Variants in SPEN observed in about 807,000 individuals in gnomAD.
SPEN encodes spen family transcriptional repressor.
A neutral mutation model predicts 269.9 loss-of-function variants in SPEN; 18 were observed. The ratio of observed to expected loss-of-function variants is 0.07; its 90% CI spans 0.05 to 0.10. The LOEUF is 0.10. Ranked by LOEUF, SPEN falls within the 10% of genes least tolerant of loss-of-function variation. SPEN has a pLI of 1.00. For missense variants in SPEN, 3,822 were observed against 4,631.2 expected, an observed-to-expected ratio of 0.83 and a Z score of 5.07; for synonymous variants, 1,726 against 1,765.7, an observed-to-expected ratio of 0.98 and a Z score of 0.56.
At chr1:15,850,947 A>G (rs1163106882) in intron 1 of SPEN, among the ~76,000 whole-genome samples, 2 of 152,182 alleles carry the variant, frequency 1.3e-5, no homozygotes, top group Non-Finnish European at 2.9e-5. Context: ...AGAGGTGTAC[A>G]CTGGGAATAC....
At position 15,937,696 on chromosome 1, in the gene SPEN, T is replaced by A. The variant is rs766394456; in HGVS notation, c.10509+51T>A. 3 of 1,606,244 alleles carry A rather than the reference T, an allele frequency of 1.9e-6. No individual in the cohort carries two copies. In the South Asian group the frequency reaches 3.3e-5, roughly 18 times the overall value. On this transcript the variant is annotated intron_variant, in intron 12 of 14. Coordinates refer to ENST00000375759, the MANE Select transcript of SPEN (RefSeq NM_015001.3). This position sits in a 1 kb window ranked among gnomAD's most constrained non-coding sequence, Gnocchi z 5.7. ...CCTGGCCCCCAAGTTTTATGCCATGTCAAATGTCCTAAGATTCCCTAGTTA... is the reference window on the plus strand; with the variant it reads ...CCTGGCCCCCAAGTTTTATGCCATGACAAATGTCCTAAGATTCCCTAGTTA...
chr1:15,883,769 C>T (rs1190598186), intron 3 of SPEN, among the ~76,000 whole-genome samples: 1 of 147,796 alleles, frequency 6.8e-6, no homozygotes, highest in African/African-American at 2.5e-5. Context: ...ATCTATAACC[C>T]TATTACTTTT....
intron 3 of SPEN, among the ~76,000 whole-genome samples, chr1:15,891,339 C>T (rs951687975): frequency 1.3e-5 from 2 of 151,434 alleles, no homozygotes; most frequent in African/African-American, 2.4e-5. Flanking sequence ...GACATGCCAC[C>T]ACACTTAGCT....
intron 1 of SPEN, among the ~76,000 whole-genome samples, chr1:15,856,756 C>T (rs1482158374): frequency 1.3e-5 from 2 of 151,664 alleles, no homozygotes; most frequent in Non-Finnish European, 2.9e-5. Context: ...TTAATAGAGA[C>T]GGGGTTTCAC....
chr1:15,934,867 G>A lies in SPEN; in HGVS notation c.8627G>A (p.Gly2876Asp), dbSNP rs752171951. 1.2e-6 allele frequency: 2 copies of A among 1,614,124 alleles called. No homozygotes were observed. The highest frequency in any genetic ancestry group is 1.7e-6 in the Non-Finnish European group (2 of 1,180,024). The part of the protein sequence containing the change: ...PPSKGPQAPA[G>D]YANVATHSTL... ...TCCAAAGGCCCTCAAGCTCCTGCAGGCTATGCGAACGTGGCCACCCATTCC... is the reference window on the plus strand; with the variant it reads ...TCCAAAGGCCCTCAAGCTCCTGCAGACTATGCGAACGTGGCCACCCATTCC... The change falls in exon 11 of 15, where the codon GGC becomes GAC. Residue 2876 changes from glycine (G) to aspartate (D), a missense_variant. Transcript: ENST00000375759. This position sits in a 1 kb window ranked among gnomAD's most constrained non-coding sequence, Gnocchi z 9.2.
chr1:15,911,581 T>G (rs977826453), intron 5 of SPEN, among the ~76,000 whole-genome samples: 1 of 152,146 alleles, frequency 6.6e-6, no homozygotes, highest in African/African-American at 2.4e-5. Context: ...CCTTATTGAG[T>G]CCAGCCTTCC....
intron 1 of SPEN, among the ~76,000 whole-genome samples, chr1:15,872,209 T>G (rs2148710306): frequency 3.4e-5 from 4 of 119,114 alleles, no homozygotes; most frequent in Admixed American, 1.1e-4. Context: ...GGTGACAGAG[T>G]GAGACTCTGT....
Position 15,848,013 on chromosome 1 carries a change from G to C in SPEN, c.-55G>C, listed in dbSNP as rs878939822. Reference sequence around the variant, plus strand: ...CCCGCCTCCCGGCGCTGACGGTCTCGTACGAAGCCGGCGAGGGGGAGCCAG... The same window carrying C: ...CCCGCCTCCCGGCGCTGACGGTCTCCTACGAAGCCGGCGAGGGGGAGCCAG... On this transcript the variant is annotated 5_prime_UTR_variant, in exon 1 of 15. Transcript: ENST00000375759. The surrounding 1 kb of genome is among the most constrained non-coding windows in gnomAD (Gnocchi z 5.1). 4.7e-6 allele frequency: 6 copies of C among 1,272,590 alleles called. No homozygotes were observed. Among genetic ancestry groups the C allele is most frequent in the Middle Eastern group, 2.0e-4 (1 of 4,932 alleles). 78.8% of individuals were successfully genotyped at this position (1,272,590 alleles called of 1,614,324 possible). A position where few individuals can be genotyped will look rare whatever the true frequency, so the allele number is the denominator to read the frequency against.
chr1:15,939,482 A>G lies in SPEN; in HGVS notation c.*55A>G. 6.7e-7 allele frequency: 1 copy of G among 1,482,002 alleles called. No homozygotes were observed. The highest frequency in any genetic ancestry group is 2.6e-5 in the East Asian group (1 of 37,940). 91.8% of individuals were successfully genotyped at this position (1,482,002 alleles called of 1,614,324 possible). A position where few individuals can be genotyped will look rare whatever the true frequency, so the allele number is the denominator to read the frequency against. ...CTTCCCAGGGCTCTGCAGTAAAAAC[A>G]AAGGACAACCCAGCCAAGCAGAGGA... On this transcript the variant is annotated 3_prime_UTR_variant, in exon 15 of 15. Transcript: ENST00000375759. The surrounding 1 kb of genome is among the most constrained non-coding windows in gnomAD (Gnocchi z 4.1).
At chr1:15,878,233 T>C (rs1170882515) in intron 3 of SPEN, among the ~76,000 whole-genome samples, 2 of 152,234 alleles carry the variant, frequency 1.3e-5, no homozygotes, top group African/African-American at 4.8e-5. Context: ...TCAAATTCTT[T>C]GACCTGATTA....
At position 15,929,777 on chromosome 1, in the gene SPEN, A is replaced by G; in HGVS notation, c.3537A>G (p.Lys1179=). 1 of 1,614,222 alleles carries G rather than the reference A, an allele frequency of 6.2e-7. No individual in the cohort carries two copies. Among genetic ancestry groups the G allele is most frequent in the Non-Finnish European group, 8.5e-7 (1 of 1,180,048 alleles). Residue 1179 remains lysine (K), a synonymous_variant, in exon 11 of 15, where the codon AAA becomes AAG. Transcript: ENST00000375759. This position sits in a 1 kb window ranked among gnomAD's most constrained non-coding sequence, Gnocchi z 5.8. ...YRKQMEQSRR[K]QQMEMEIAKS... ...AACAAATGGAACAGAGTCGTAGGAAACAGCAGATGGAAATGGAAATAGCCA... is the reference window on the plus strand; with the variant it reads ...AACAAATGGAACAGAGTCGTAGGAAGCAGCAGATGGAAATGGAAATAGCCA...
intron 3 of SPEN, among the ~76,000 whole-genome samples, chr1:15,894,540 T>C (rs913335271): frequency 7.0e-6 from 1 of 142,436 alleles, no homozygotes. Context: ...ATGGTTGTTT[T>C]TTTTTTTTTT....
chr1:15,935,108 A>G lies in SPEN; in HGVS notation c.8868A>G (p.Thr2956=). The change falls in exon 11 of 15, where the codon ACA becomes ACG. Residue 2956 remains threonine (T), a synonymous_variant. Transcript: ENST00000375759. This position sits in a 1 kb window ranked among gnomAD's most constrained non-coding sequence, Gnocchi z 7.7. ...TCCTCACCCCAAGCATTGTCACCACAAACAAGAAGCTTGCTGACCCCGTCA... is the reference window on the plus strand; with the variant it reads ...TCCTCACCCCAAGCATTGTCACCACGAACAAGAAGCTTGCTGACCCCGTCA... ...QLVLTPSIVT[T]NKKLADPVTL... is the part of the protein sequence containing the mutation. The G allele has an allele frequency of 2.5e-6, 4 of 1,613,968 alleles. No homozygotes were observed. Among genetic ancestry groups the G allele is most frequent in the Non-Finnish European group, 3.4e-6 (4 of 1,179,968 alleles).
At position 15,848,046 on chromosome 1, in the gene SPEN, G is replaced by A. The variant is rs759727956; in HGVS notation, c.-22G>A. The A allele has an allele frequency of 1.6e-5, 22 of 1,399,382 alleles. No homozygotes were observed. In the Middle Eastern group the frequency reaches 5.6e-4, roughly 36 times the overall value. 86.7% of individuals were successfully genotyped at this position (1,399,382 alleles called of 1,614,324 possible). ...CCGGCGAGGGGGAGCCAGCAGCGGC[G>A]GTCGCCGGCACGCCGCCCAGCATGG... is the stretch of plus-strand genomic sequence containing the variant. On this transcript the variant is annotated 5_prime_UTR_variant, in exon 1 of 15. Transcript: ENST00000375759. This position sits in a 1 kb window ranked among gnomAD's most constrained non-coding sequence, Gnocchi z 5.1.
At chr1:15,874,845 T>C (rs7525143) in intron 2 of SPEN, among the ~76,000 whole-genome samples, 6,861 of 152,242 alleles carry the variant, frequency 0.045, 485 homozygotes, top group African/African-American at 0.15. Flanking sequence ...CAGTTGTTTT[T>C]CACAATAGCA....
intron 3 of SPEN, among the ~76,000 whole-genome samples, chr1:15,895,048 G>C (rs1323356050): frequency 6.6e-6 from 1 of 151,968 alleles, no homozygotes; most frequent in Non-Finnish European, 1.5e-5. Flanking sequence ...TCAGCCTCCT[G>C]AGTAGCTGGG....
rs1225919283 is a variant in SPEN at position 15,935,914 on chromosome 1, C to A, written c.9674C>A (p.Ala3225Asp). The change falls in exon 11 of 15, where the codon GCC becomes GAC. Residue 3225 changes from alanine to aspartate, a missense_variant. Coordinates refer to ENST00000375759, the MANE Select transcript of SPEN (RefSeq NM_015001.3). This position sits in a 1 kb window ranked among gnomAD's most constrained non-coding sequence, Gnocchi z 7.7. ...GVVKVPPASK[A>D]PQQPGKEAAK... The stretch of plus-strand genomic sequence containing the variant: ...GTGAAGGTGCCACCAGCCAGCAAGG[C>A]CCCTCAGCAGCCAGGGAAGGAAGCT... 1 of 1,612,686 alleles carries A rather than the reference C, an allele frequency of 6.2e-7. No individual in the cohort carries two copies.
At chr1:15,897,316 G>C (rs901023799) in intron 3 of SPEN, among the ~76,000 whole-genome samples, 5 of 151,534 alleles carry the variant, frequency 3.3e-5, no homozygotes, top group Non-Finnish European at 7.4e-5. Context: ...AGCCACCCGA[G>C]TAGCTGGGAC....
chr1:15,865,351 C>T (rs1009514967), intron 1 of SPEN, among the ~76,000 whole-genome samples: 11 of 150,466 alleles, frequency 7.3e-5, no homozygotes, highest in East Asian at 2.0e-4. Context: ...CCACGCCTGG[C>T]GAGTGTGTTT....
Sources: allele counts gnomAD v4.1 joint callset (sites outside exome capture counted in the v4.1 genomes callset), GRCh38; gene constraint gnomAD v4.1.1; non-coding constraint Gnocchi (gnomAD v3.1); transcripts MANE v1.5; gene names NCBI Gene and HGNC (gene_info 2026-07-23, HGNC 2026-07-21).